Variants in NRXN2 observed in about 807,000 individuals in gnomAD.
The protein encoded by NRXN2 is neurexin 2.
In NRXN2, 29 loss-of-function variants were observed where a neutral mutation model predicts 128.8. The ratio of observed to expected loss-of-function variants is 0.23; its 90% CI spans 0.17 to 0.31. NRXN2 has a LOEUF of 0.31. Among genes scored for constraint, NRXN2 ranks in the 10% least tolerant of loss-of-function variants. The pLI is 1.00. For synonymous variants in NRXN2, 1,098 were observed against 1,075.2 expected, an observed-to-expected ratio of 1.02 and a Z score of -0.41; for missense variants, 1,881 against 2,452.6, an observed-to-expected ratio of 0.77 and a Z score of 4.92.
intron 21 of NRXN2, among the ~76,000 whole-genome samples, chr11:64,620,623 A>T (rs574693817): frequency 6.6e-6 from 1 of 150,814 alleles, no homozygotes. Flanking sequence ...AACAGCACAC[A>T]TGGTGCTTTT....
intron 4 of NRXN2, among the ~76,000 whole-genome samples, chr11:64,692,016 C>A (rs2053868758): frequency 6.6e-6 from 1 of 152,148 alleles, no homozygotes; most frequent in African/African-American, 2.4e-5. Flanking sequence ...CTAGAGGAGG[C>A]CAGAGCTGGA....
intron 21 of NRXN2, among the ~76,000 whole-genome samples, chr11:64,621,247 C>G (rs922008366): frequency 2.0e-5 from 3 of 152,196 alleles, no homozygotes; most frequent in Non-Finnish European, 4.4e-5. Context: ...GCACCAGCCT[C>G]CATCTTGGGC....
chr11:64,712,959 C>T lies in NRXN2; in HGVS notation c.730+11G>A. The T allele has an allele frequency of 8.0e-6, 12 of 1,504,438 alleles. No individual in the cohort carries two copies. The highest frequency in any genetic ancestry group is 1.1e-5 in the Non-Finnish European group (12 of 1,131,814). 93.2% of individuals were successfully genotyped at this position (1,504,438 alleles called of 1,614,324 possible). ...CGCCCAGGCACCGGGCGGCCGCTCCCCGGGGCTCACCTTCGCTGCAGAACT... is the reference window on the plus strand; with the variant it reads ...CGCCCAGGCACCGGGCGGCCGCTCCTCGGGGCTCACCTTCGCTGCAGAACT... On this transcript the variant is annotated intron_variant, in intron 2 of 22. Transcript: ENST00000265459.
At chr11:64,650,850 G>C (rs1289429152) in intron 14 of NRXN2, among the ~76,000 whole-genome samples, 1 of 152,152 alleles carries the variant, frequency 6.6e-6, no homozygotes, top group African/African-American at 2.4e-5. Flanking sequence ...GGGCCACCAA[G>C]GAGCCGGCTC....
chr11:64,660,298 T>C lies in NRXN2; in HGVS notation c.2389+34A>G. On this transcript the variant is annotated intron_variant, in intron 11 of 22. Transcript: ENST00000265459. This position sits in a 1 kb window ranked among gnomAD's most constrained non-coding sequence, Gnocchi z 5.2. ...GGTGTGGGTCAGAGACAAGGCCAGG[T>C]GAGGGGTCAGGAAGCACAGGGCAGG... 1 of 1,608,190 alleles carries C rather than the reference T, an allele frequency of 6.2e-7. No individual in the cohort carries two copies. The highest frequency in any genetic ancestry group is 1.3e-5 in the African/African-American group (1 of 74,860).
At chr11:64,676,938 C>T in intron 7 of NRXN2, 55 bp downstream of exon 7, 1 of 1,444,184 alleles carries the variant, frequency 6.9e-7, no homozygotes, top group African/African-American at 1.4e-5. Context: ...GAGAATCGAA[C>T]AGTTAAAAAA....
rs749323903 is a variant in NRXN2, at chr11:64,677,070, G to A, written c.1153-33C>T. The A allele has an allele frequency of 7.5e-6, 10 of 1,328,390 alleles. No homozygotes were observed. The Admixed American group carries it at 1.6e-4, about 21-fold the overall frequency. 82.3% of individuals were successfully genotyped at this position (1,328,390 alleles called of 1,614,324 possible). On this transcript the variant is annotated intron_variant, in intron 6 of 22. Transcript: ENST00000265459. ...GGAGATATGGGGGGATGGGGAGGAG[G>A]GGGGTGTCAAAAAACAACAACAAAC...
At chr11:64,716,664 C>G (rs896367082) in intron 1 of NRXN2, among the ~76,000 whole-genome samples, 9 of 152,138 alleles carry the variant, frequency 5.9e-5, no homozygotes, top group African/African-American at 9.7e-5. Flanking sequence ...CCTGCGGCCC[C>G]TCAAGGCTCA....
Position 64,651,869 on chromosome 11 carries a change from G to T in NRXN2, c.2536+166C>A, listed in dbSNP as rs1342894432. Among the ~76,000 whole-genome samples the T allele has an allele frequency of 6.6e-6, 1 of 152,142 alleles. No homozygotes were observed. Among genetic ancestry groups the T allele is most frequent in the East Asian group, 1.9e-4 (1 of 5,194 alleles). On this transcript the variant is annotated intron_variant, in intron 13 of 22. Transcript: ENST00000265459. This position sits in a 1 kb window ranked among gnomAD's most constrained non-coding sequence, Gnocchi z 5.9. ...CCTACAGGGAGTTGAAATCGTTCCT[G>T]GGGTCCAGATGCCCATAACATTCCA... is the stretch of plus-strand genomic sequence containing the variant.
At position 64,677,008 on chromosome 11, in the gene NRXN2, G is replaced by C; in HGVS notation, c.1182C>G (p.Asn394Lys). The change falls in exon 7 of 23, where the codon AAC (asparagine) becomes AAG (lysine). Residue 394 changes from asparagine (N) to lysine (K), a missense_variant. Coordinates refer to ENST00000265459, the MANE Select transcript of NRXN2 (RefSeq NM_015080.4). ...QHAGIGHAMVNKLHYLVTISV... is the reference protein window; with the variant it reads ...QHAGIGHAMVKKLHYLVTISV... ...TGATATCTACCAGATAATGCAGTTT[G>C]TTTACCATAGCGTGTCCAATCCCTG... is the stretch of plus-strand genomic sequence containing the variant. The C allele has an allele frequency of 6.2e-7, 1 of 1,612,572 alleles. No individual in the cohort carries two copies. The highest frequency in any genetic ancestry group is 8.5e-7 in the Non-Finnish European group (1 of 1,179,444).
At chr11:64,675,038 T>G (rs2051117064) in intron 7 of NRXN2, 1 of 152,172 alleles carries the variant, frequency 6.6e-6, no homozygotes. Context: ...CCCAGAGGCT[T>G]GGGGTGTACC....
chr11:64,626,778 G>A (rs897176040), intron 19 of NRXN2, among the ~76,000 whole-genome samples: 5 of 152,160 alleles, frequency 3.3e-5, no homozygotes, highest in African/African-American at 1.2e-4. Context: ...CAAAGCAAAA[G>A]AGATGAGAAA....
intron 17 of NRXN2, among the ~76,000 whole-genome samples, chr11:64,638,132 G>A (rs777057667): frequency 1.2e-4 from 18 of 152,140 alleles, no homozygotes; most frequent in Non-Finnish European, 2.2e-4. Context: ...GGGACAGGGC[G>A]CACGCGTCCC....
Position 64,661,723 on chromosome 11 carries a change from G to A in NRXN2, c.1799-584C>T, listed in dbSNP as rs1030995841. Among the ~76,000 whole-genome samples the A allele has an allele frequency of 5.3e-5, 8 of 152,098 alleles. No individual in the cohort carries two copies. In the East Asian group the frequency reaches 1.5e-3, roughly 29 times the overall value. On this transcript the variant is annotated intron_variant, in intron 9 of 22. Transcript: ENST00000265459. ...ATGATCCCATTTTGAAATGGTAGAC[G>A]AGGCTTGCAGAGACTGGGGAACAGT...
At chr11:64,645,421 G>A (rs2046496812) in intron 17 of NRXN2, among the ~76,000 whole-genome samples, 1 of 152,068 alleles carries the variant, frequency 6.6e-6, no homozygotes, top group Non-Finnish European at 1.5e-5. Flanking sequence ...GAGATGAACG[G>A]AGACAGGGAG....
chr11:64,710,754 T>A (rs1234228391), intron 2 of NRXN2, among the ~76,000 whole-genome samples: 2 of 152,100 alleles, frequency 1.3e-5, no homozygotes, highest in Admixed American at 1.3e-4. Flanking sequence ...CACAAGCACA[T>A]GAGCAGACAC....
chr11:64,677,086 A>C (rs748532511), intron 6 of NRXN2, 49 bp from the exon 7 acceptor site: 1 of 1,258,690 alleles, frequency 7.9e-7, no homozygotes. Flanking sequence ...GTCAAAAAAC[A>C]ACAACAAACA....
rs767815158 is a variant in NRXN2, at chr11:64,607,738, C to G, written c.4597G>C (p.Ala1533Pro). ...RTTLLSPRKP[A>P]PRPNLRTDGA... ...TCTGTCCTGAGGTTGGGCCGGGGAG[C>G]GGGTTTGCGGGGTGACAGGAGGGTG... is the stretch of plus-strand genomic sequence containing the variant. Residue 1533 changes from alanine to proline, a missense_variant, in exon 23 of 23, where the codon GCT becomes CCT. Ala to Pro is a conservative substitution (Grantham distance 27). Around this residue, in one of 7 missense-constraint regions of NRXN2, gnomAD observed 310 missense variants for 318.2 expected, o/e 0.97. Coordinates refer to ENST00000265459, the MANE Select transcript of NRXN2 (RefSeq NM_015080.4). 6.4e-7 allele frequency: 1 copy of G among 1,572,468 alleles called. No homozygotes were observed. The highest frequency in any genetic ancestry group is 1.2e-5 in the South Asian group (1 of 85,620).
At chr11:64,663,882 AC>A (rs2049400282) in intron 9 of NRXN2, among the ~76,000 whole-genome samples, 1 of 152,240 alleles carries the variant, frequency 6.6e-6, no homozygotes, top group South Asian at 2.1e-4. Context: ...ACATCCTGAC[AC>A]ATGCTACAAC....
Sources: allele counts gnomAD v4.1 joint callset (sites outside exome capture counted in the v4.1 genomes callset), GRCh38; gene constraint gnomAD v4.1.1; regional missense constraint gnomAD v4.1.1; non-coding constraint Gnocchi (gnomAD v3.1); transcripts MANE v1.5; gene names NCBI Gene and HGNC (gene_info 2026-07-23, HGNC 2026-07-21).